PLCG2: variants seen among roughly 807,000 people sequenced by gnomAD.
The protein encoded by PLCG2 is phospholipase C gamma 2, also known as 1-phosphatidylinositol 4,5-bisphosphate phosphodiesterase gamma-2.
Under a neutral mutation model 175.6 loss-of-function variants are expected in PLCG2, and 69 were observed. The observed-to-expected ratio is 0.39, with a 90% CI of 0.32 to 0.48. PLCG2 has a LOEUF of 0.48. Ranked by LOEUF, PLCG2 falls within the 20% of genes least tolerant of loss-of-function variation. The pLI is 0.91. For synonymous variants in PLCG2, 827 were observed against 624.0 expected (o/e 1.33, Z -4.85); for missense variants, 1,798 against 1,650.9 (o/e 1.09, Z -1.54).
intron 20 of PLCG2, among the ~76,000 whole-genome samples, chr16:81,919,976 G>C (rs1249315995): frequency 6.6e-6 from 1 of 152,176 alleles, no homozygotes; most frequent in Non-Finnish European, 1.5e-5. Flanking sequence ...GTTTTCAGAG[G>C]GTGGTCTAGG....
intron 10 of PLCG2, 67 bp from the exon 11 acceptor site, chr16:81,891,405 C>A (rs1772783798): frequency 1.1e-6 from 1 of 928,806 alleles, no homozygotes; most frequent in Non-Finnish European, 1.8e-6. Context: ...GGGCGCAGAC[C>A]AGAAACAAGC....
intron 2 of PLCG2, among the ~76,000 whole-genome samples, chr16:81,837,348 C>G (rs1905573517): frequency 6.6e-6 from 1 of 152,230 alleles, no homozygotes; most frequent in Non-Finnish European, 1.5e-5. Context: ...GCTGTGTGAC[C>G]TTTGCCTTTT....
intron 2 of PLCG2, among the ~76,000 whole-genome samples, chr16:81,789,309 G>C (rs139938294): frequency 5.2e-4 from 79 of 152,276 alleles, no homozygotes; most frequent in African/African-American, 1.7e-3. Flanking sequence ...CTCTGTTTTA[G>C]AGACAGGGTC....
chr16:81,907,651 C>G (rs376952198), intron 15 of PLCG2, 34 bp from the exon 16 acceptor site: 3 of 1,518,562 alleles, frequency 2.0e-6, no homozygotes, highest in Middle Eastern at 1.7e-4. Context: ...AGGTAGAGGA[C>G]TTGGGGGGCA....
At chr16:81,776,073 T>TTC (rs549959626), upstream of PLCG2, among the ~76,000 whole-genome samples, 5 of 33,838 alleles carry the variant, frequency 1.5e-4, 2 homozygotes, top group Admixed American at 1.6e-3. Flanking sequence ...AGTGGTTTCT[T>TTC]TCTCTCTCTC....
At chr16:81,740,231 C>G (rs1446016122) in intron 1 of PLCG2, 1 of 151,612 alleles carries the variant, frequency 6.6e-6, no homozygotes, top group Admixed American at 6.6e-5. Context: ...GTTTACTTTT[C>G]TTCTAGTGAC....
In PLCG2 at chr16:81,884,824, G is replaced by C. The variant is rs146946587; in HGVS notation, c.765+1483G>C. Reference sequence around the variant, plus strand: ...AACATTTCAAACATACACAAAAGCAGACAGACGGTTTAATGAACCACCACG... The same window carrying C: ...AACATTTCAAACATACACAAAAGCACACAGACGGTTTAATGAACCACCACG... On this transcript the variant is annotated intron_variant, in intron 9 of 32. Coordinates refer to ENST00000564138, the MANE Select transcript of PLCG2 (RefSeq NM_002661.5). 4.3e-3 allele frequency among the ~76,000 whole-genome samples: 651 copies of C among 152,176 alleles called. 7 individuals are homozygous for C. The highest frequency in any genetic ancestry group is 0.015 in the African/African-American group (606 of 41,502).
chr16:81,904,357 C>CTT (rs1485827118), intron 14 of PLCG2, among the ~76,000 whole-genome samples: 4 of 151,394 alleles, frequency 2.6e-5, no homozygotes, highest in Non-Finnish European at 4.4e-5. Context: ...CTGGATCTGA[C>CTT]CCCCTATCCT....
At chr16:81,830,294 T>C (rs1269955242) in intron 2 of PLCG2, among the ~76,000 whole-genome samples, 1 of 151,912 alleles carries the variant, frequency 6.6e-6, no homozygotes, top group East Asian at 1.9e-4. Flanking sequence ...ACTCCAGCAG[T>C]GTCTTGTCTT....
chr16:81,931,030 C>G (rs1301992173), intron 24 of PLCG2, among the ~76,000 whole-genome samples: 2 of 152,042 alleles, frequency 1.3e-5, no homozygotes, highest in African/African-American at 4.8e-5. Flanking sequence ...TTCTTTTGAT[C>G]AAGACGAACA....
At chr16:81,896,017 G>C in intron 13 of PLCG2, 90 bp downstream of exon 13, 3 of 1,485,218 alleles carry the variant, frequency 2.0e-6, no homozygotes, top group East Asian at 2.3e-5. Flanking sequence ...AACACACACA[G>C]ACACCTCCCT....
In PLCG2 at chr16:81,769,803, G is replaced by C. The variant is rs867439431; in HGVS notation, c.-48+13837G>C. 1.2e-4 allele frequency among the ~76,000 whole-genome samples: 14 copies of C among 119,998 alleles called. 1 individual carries two copies. The highest frequency in any genetic ancestry group is 0.014 in the Middle Eastern group (2 of 138). 78.7% of individuals were successfully genotyped at this position (119,998 alleles called of 152,430 possible). A position where few individuals can be genotyped will look rare whatever the true frequency, so the allele number is the denominator to read the frequency against. On this transcript the variant is annotated intron_variant, in intron 2 of 5. Transcript: ENST00000565054. Reference sequence around the variant, plus strand: ...CCACTGCACTCCAGCCTGGGCGACAGAGCGAGACTCCGTCTCAAAAAAAAA... The same window carrying C: ...CCACTGCACTCCAGCCTGGGCGACACAGCGAGACTCCGTCTCAAAAAAAAA...
chr16:81,808,638 T>G (rs896310381), intron 2 of PLCG2, among the ~76,000 whole-genome samples: 2 of 151,998 alleles, frequency 1.3e-5, no homozygotes, highest in African/African-American at 4.8e-5. Context: ...GGACTACAGG[T>G]GCCCGCCACC....
At chr16:81,789,514 C>G (rs1388639482) in intron 2 of PLCG2, among the ~76,000 whole-genome samples, 2 of 152,184 alleles carry the variant, frequency 1.3e-5, no homozygotes, top group Non-Finnish European at 2.9e-5. Context: ...GTCTCCAACT[C>G]CTGGCCTCAA....
intron 2 of PLCG2, among the ~76,000 whole-genome samples, chr16:81,832,354 G>C (rs1905295141): frequency 6.6e-6 from 1 of 152,180 alleles, no homozygotes; most frequent in Non-Finnish European, 1.5e-5. Flanking sequence ...ATTCCCTAAT[G>C]CATGCTCTTC....
chr16:81,921,310 C>A, intron 21 of PLCG2, 41 bp downstream of exon 21: 2 of 1,300,450 alleles, frequency 1.5e-6, no homozygotes, highest in Non-Finnish European at 2.2e-6. Flanking sequence ...TTTGGAGTCA[C>A]GAGGCTGATG....
intron 25 of PLCG2, among the ~76,000 whole-genome samples, chr16:81,934,013 A>G (rs1910609567): frequency 6.6e-6 from 1 of 152,188 alleles, no homozygotes; most frequent in African/African-American, 2.4e-5. Context: ...TGCAGGGGAT[A>G]GAGAGTTATG....
intron 10 of PLCG2, among the ~76,000 whole-genome samples, chr16:81,889,745 C>T (rs1193024487): frequency 6.6e-6 from 1 of 152,148 alleles, no homozygotes; most frequent in Non-Finnish European, 1.5e-5. Context: ...ACCTCCGCCT[C>T]CCAGGTTCAA....
intron 2 of PLCG2, among the ~76,000 whole-genome samples, chr16:81,854,093 C>CT (rs1906558649): frequency 7.4e-6 from 1 of 135,660 alleles, no homozygotes; most frequent in Non-Finnish European, 1.7e-5. Flanking sequence ...AATTTGGTCT[C>CT]TTGTTTTTTT....
Sources: gnomAD v4.1 joint callset for allele counts (sites outside exome capture counted in the v4.1 genomes callset) on GRCh38, gnomAD v4.1.1 for gene constraint, MANE v1.5 for transcripts, NCBI Gene and HGNC (gene_info 2026-07-23, HGNC 2026-07-21) for gene names.